NTM: variants seen among roughly 807,000 people sequenced by gnomAD.
The protein encoded by NTM is IgLON family member 2.
In NTM, 13 loss-of-function variants were observed where a neutral mutation model predicts 42.1. The ratio of observed to expected loss-of-function variants is 0.31; its 90% CI spans 0.20 to 0.49. NTM has a LOEUF of 0.49. Among genes scored for constraint, NTM ranks in the 20% least tolerant of loss-of-function variants. The probability of loss-of-function intolerance (pLI) is 0.99; values close to 1 mark genes in which losing one functional copy is unlikely to be tolerated. For synonymous variants in NTM, 187 were observed against 179.2 expected, an observed-to-expected ratio of 1.04 and a Z score of -0.35; for missense variants, 373 against 452.8, an observed-to-expected ratio of 0.82 and a Z score of 1.60.
At chr11:131,552,554 A>T (rs1194656391) in intron 1 of NTM, among the ~76,000 whole-genome samples, 1 of 151,350 alleles carries the variant, frequency 6.6e-6, no homozygotes, top group Admixed American at 6.6e-5. Flanking sequence ...GGTGGCTCAC[A>T]ACTGTAATCC....
intron 2 of NTM, among the ~76,000 whole-genome samples, chr11:132,025,532 G>A (rs2075047659): frequency 1.3e-5 from 2 of 152,104 alleles, no homozygotes; most frequent in Non-Finnish European, 2.9e-5. Flanking sequence ...AAATTCTTGG[G>A]GTTGAGTCAA....
intron 2 of NTM, among the ~76,000 whole-genome samples, chr11:131,916,855 CCAGCTGCAA>C (rs1374889789): frequency 6.6e-6 from 1 of 152,214 alleles, no homozygotes; most frequent in Non-Finnish European, 1.5e-5. Context: ...ACAGCTTATT[CCAGCTGCAA>C]AGCGTTTCCT....
chr11:131,601,609 C>G (rs549660016), intron 1 of NTM, among the ~76,000 whole-genome samples: 14 of 151,816 alleles, frequency 9.2e-5, no homozygotes, highest in Non-Finnish European at 1.8e-4. Flanking sequence ...TTAAGGCAGC[C>G]CCAGGAAGCC....
chr11:131,779,551 A>G (rs2087683470), intron 1 of NTM, among the ~76,000 whole-genome samples: 1 of 152,110 alleles, frequency 6.6e-6, no homozygotes, highest in African/African-American at 2.4e-5. Flanking sequence ...GTAGACTAGT[A>G]GGGAAAATAA....
intron 4 of NTM, among the ~76,000 whole-genome samples, chr11:132,268,410 A>G (rs531539607): frequency 6.6e-6 from 1 of 152,318 alleles, no homozygotes; most frequent in East Asian, 1.9e-4. Context: ...CTCCATGAAT[A>G]GTTCAGTCAA....
rs550625705 is a variant in NTM at position 132,059,665 on chromosome 11, G to A, written c.168-86617G>A. Among the ~76,000 whole-genome samples the A allele has an allele frequency of 5.9e-5, 9 of 152,212 alleles. No homozygotes were observed. In the East Asian group the frequency reaches 9.7e-4, roughly 16 times the overall value. ...ACCAAACATCCAAGTATGCACTGGG[G>A]TAGGTGCTTTGTGACCAGTTCCCAT... On this transcript the variant is annotated intron_variant, in intron 2 of 8. Transcript: ENST00000683400.
At position 132,167,634 on chromosome 11, in the gene NTM, T is replaced by C. The variant is rs142275241; in HGVS notation, c.400+21120T>C. Among the ~76,000 whole-genome samples the C allele has an allele frequency of 9.8e-5, 15 of 152,334 alleles. No homozygotes were observed. In the East Asian group the frequency reaches 2.9e-3, roughly 29 times the overall value. On this transcript the variant is annotated intron_variant, in intron 3 of 8. Coordinates refer to ENST00000683400, the MANE Select transcript of NTM (RefSeq NM_001352005.2). The stretch of plus-strand genomic sequence containing the variant: ...ATATTGGCTTCAGTTGTCTGTACTT[T>C]TTCCTAGCTGCACAGAGATCCTTAG...
chr11:131,510,837 C>A (rs2048139039), intron 1 of NTM, among the ~76,000 whole-genome samples: 1 of 152,118 alleles, frequency 6.6e-6, no homozygotes, highest in African/African-American at 2.4e-5. Flanking sequence ...CGGCCTTCTG[C>A]CCCGTCCTGG....
At chr11:131,731,609 C>A (rs1270757515) in intron 1 of NTM, among the ~76,000 whole-genome samples, 1 of 152,132 alleles carries the variant, frequency 6.6e-6, no homozygotes, top group Non-Finnish European at 1.5e-5. Context: ...TCCACGTGGA[C>A]CTGGGCCTGC....
intron 2 of NTM, among the ~76,000 whole-genome samples, chr11:132,084,365 A>T (rs1035646356): frequency 6.6e-6 from 1 of 152,212 alleles, no homozygotes; most frequent in African/African-American, 2.4e-5. Flanking sequence ...TAGAAATCTC[A>T]TACAATTTTG....
At chr11:131,701,656 T>C (rs574314927) in intron 1 of NTM, among the ~76,000 whole-genome samples, 1 of 152,200 alleles carries the variant, frequency 6.6e-6, no homozygotes, top group Non-Finnish European at 1.5e-5. Flanking sequence ...TCCTCAACCT[T>C]ACCATCCTCA....
chr11:131,984,266 TCACTGAC>T (rs2065724592), intron 2 of NTM, among the ~76,000 whole-genome samples: 1 of 152,228 alleles, frequency 6.6e-6, no homozygotes, highest in African/African-American at 2.4e-5. Context: ...TGTTTATGGA[TCACTGAC>T]GTATAACTGA....
chr11:132,021,914 A>C (rs749167090), intron 2 of NTM, among the ~76,000 whole-genome samples: 1 of 152,216 alleles, frequency 6.6e-6, no homozygotes, highest in East Asian at 1.9e-4. Context: ...AACTAAGAAT[A>C]TAGGCCTGAC....
At chr11:131,974,773 G>A (rs553485474) in intron 2 of NTM, among the ~76,000 whole-genome samples, 1 of 152,162 alleles carries the variant, frequency 6.6e-6, no homozygotes, top group Admixed American at 6.5e-5. Context: ...GATAACATAT[G>A]TGCAAGGCTT....
intron 6 of NTM, 58 bp downstream of exon 6, chr11:132,310,290 C>A: frequency 6.7e-7 from 1 of 1,501,844 alleles, no homozygotes; most frequent in Non-Finnish European, 8.9e-7. Context: ...GAAACTTTTC[C>A]AGGGTCCTGA....
intron 2 of NTM, among the ~76,000 whole-genome samples, chr11:132,052,359 A>T (rs996205776): frequency 6.6e-6 from 1 of 151,932 alleles, no homozygotes; most frequent in African/African-American, 2.4e-5. Context: ...GTCCTGGTCT[A>T]TTTCCCCCCT....
At chr11:131,676,212 A>C (rs1265234130) in intron 1 of NTM, among the ~76,000 whole-genome samples, 1 of 152,194 alleles carries the variant, frequency 6.6e-6, no homozygotes, top group African/African-American at 2.4e-5. Context: ...AGAAACTGAA[A>C]AGGGAGGCTT....
intron 1 of NTM, among the ~76,000 whole-genome samples, chr11:131,432,373 G>A (rs985210821): frequency 5.3e-5 from 8 of 152,226 alleles, no homozygotes; most frequent in Non-Finnish European, 1.0e-4. Context: ...TGAGTGCTCA[G>A]TAGAATAAGT....
At chr11:132,161,558 A>G (rs3936012) in intron 3 of NTM, among the ~76,000 whole-genome samples, 118,761 of 151,424 alleles carry the variant, frequency 0.78, 46,638 homozygotes, top group Middle Eastern at 0.85. Flanking sequence ...TTGACCTTCG[A>G]TTCCGGGCAC....
Sources: allele counts gnomAD v4.1 joint callset (sites outside exome capture counted in the v4.1 genomes callset), GRCh38; gene constraint gnomAD v4.1.1; transcripts MANE v1.5; gene names NCBI Gene and HGNC (gene_info 2026-07-23, HGNC 2026-07-21).